Variants in PEAK1 observed in about 807,000 individuals in gnomAD.
PEAK1 encodes inactive tyrosine-protein kinase PEAK1.
A neutral mutation model predicts 124.7 loss-of-function variants in PEAK1; 54 were observed. The observed-to-expected ratio is 0.43, with a 90% CI of 0.35 to 0.54. PEAK1 has a LOEUF of 0.54. PEAK1 is among the 20% of genes least tolerant of loss of function. The pLI, the probability that PEAK1 is intolerant of heterozygous loss-of-function variation, is 0.01. For missense variants in PEAK1, 2,046 were observed against 2,134.5 expected (o/e 0.96, Z 0.82); for synonymous variants, 719 against 760.0 (o/e 0.95, Z 0.89).
intron 6 of PEAK1, among the ~76,000 whole-genome samples, chr15:77,189,682 C>T (rs565402549): frequency 6.6e-6 from 1 of 152,300 alleles, no homozygotes; most frequent in East Asian, 1.9e-4. Context: ...GCAAATTAAG[C>T]ATGATCTTTC....
rs560880870 is a variant in PEAK1 at position 77,332,343 on chromosome 15, T to TAATC, written c.-603+32816_-603+32819dup. 3.5e-3 allele frequency: 3,075 copies of TAATC among 889,994 alleles called. 7 individuals are homozygous for TAATC. Among genetic ancestry groups the TAATC allele is most frequent in the Non-Finnish European group, 3.7e-3 (2,749 of 743,270 alleles). The allele number at this position is 889,994 out of a possible 1,614,324, so 55.1% of individuals were successfully genotyped here. A position where few individuals can be genotyped will look rare whatever the true frequency, so the allele number is the denominator to read the frequency against. Reference sequence around the variant, plus strand: ...GGCCGGGTGCGGTGGCTCACACCTGTAATCCTAGCACTTTGGGAGGCTGAG... The same window carrying TAATC: ...GGCCGGGTGCGGTGGCTCACACCTGTAATCAATCCTAGCACTTTGGGAGGCTGAG... On this transcript the variant is annotated intron_variant, in intron 2 of 9. Transcript: ENST00000682557.
chr15:77,148,305 G>A (rs1002854991), intron 8 of PEAK1, among the ~76,000 whole-genome samples: 9 of 152,074 alleles, frequency 5.9e-5, no homozygotes, highest in Non-Finnish European at 1.0e-4. Flanking sequence ...TTTTTTAAAT[G>A]GAGTTTTTTA....
At chr15:77,152,074 T>C (rs1279250435) in intron 8 of PEAK1, among the ~76,000 whole-genome samples, 4 of 152,236 alleles carry the variant, frequency 2.6e-5, no homozygotes, top group African/African-American at 9.6e-5. Flanking sequence ...TAAATTACCT[T>C]GGGCAGTATG....
intron 6 of PEAK1, among the ~76,000 whole-genome samples, chr15:77,232,683 CT>C (rs2059957606): frequency 6.6e-6 from 1 of 152,200 alleles, no homozygotes; most frequent in South Asian, 2.1e-4. Context: ...AACCTTTCTA[CT>C]TGTGGCCAGG....
chr15:77,287,532 T>C (rs1037672129), intron 2 of PEAK1, among the ~76,000 whole-genome samples: 3 of 152,202 alleles, frequency 2.0e-5, no homozygotes, highest in African/African-American at 7.2e-5. Context: ...GGCAAAGACA[T>C]AGAACTTCTT....
Position 77,336,742 on chromosome 15 carries a change from A to C in PEAK1, c.-603+28421T>G, listed in dbSNP as rs114978750. On this transcript the variant is annotated intron_variant, in intron 2 of 9. Transcript: ENST00000682557. ...ATGGCACATGGAGTTGAATACACCC[A>C]AGTGCCATCAGAAAAATGTATAAAT... Among the ~76,000 whole-genome samples, 455 of 152,336 alleles carry C rather than the reference A, an allele frequency of 3.0e-3. 2 individuals carry two copies. The highest frequency in any genetic ancestry group is 0.01 in the African/African-American group (428 of 41,576).
chr15:77,129,351 A>G (rs1300222739), intron 9 of PEAK1, among the ~76,000 whole-genome samples: 2 of 152,238 alleles, frequency 1.3e-5, no homozygotes, highest in African/African-American at 4.8e-5. Context: ...CTAAAATAAC[A>G]TACAGTTAGT....
At chr15:77,283,752 TAGTC>T (rs1597101086) in intron 5 of PEAK1, 127 bp downstream of exon 5, 1 of 241,728 alleles carries the variant, frequency 4.1e-6, no homozygotes, top group Non-Finnish European at 6.7e-6. Flanking sequence ...CTCTTTGCAT[TAGTC>T]AGGATAACGT....
chr15:77,323,770 T>C (rs1457712442), intron 2 of PEAK1, among the ~76,000 whole-genome samples: 5 of 152,088 alleles, frequency 3.3e-5, no homozygotes, highest in East Asian at 3.9e-4. Flanking sequence ...CTTCACAGAA[T>C]TGGAAAAAAC....
intron 1 of PEAK1, among the ~76,000 whole-genome samples, chr15:77,398,037 C>A (rs2141986443): frequency 6.6e-6 from 1 of 152,092 alleles, no homozygotes; most frequent in African/African-American, 2.4e-5. Flanking sequence ...TGCACTCCAG[C>A]CTGGGCAACA....
At chr15:77,340,469 G>A (rs1196407426) in intron 2 of PEAK1, among the ~76,000 whole-genome samples, 5 of 152,180 alleles carry the variant, frequency 3.3e-5, no homozygotes, top group South Asian at 2.1e-4. Flanking sequence ...GGCGAGGAAG[G>A]AGGAATGAAT....
intron 6 of PEAK1, among the ~76,000 whole-genome samples, chr15:77,199,356 C>T (rs899117988): frequency 6.6e-6 from 1 of 152,178 alleles, no homozygotes; most frequent in Non-Finnish European, 1.5e-5. Context: ...TGCCATCAAA[C>T]ACAATGTCTC....
At position 77,225,666 on chromosome 15, in the gene PEAK1, T is replaced by TTTTA. The variant is rs1555448932; in HGVS notation, c.-115+26700_-115+26701insTAAA. On this transcript the variant is annotated intron_variant, in intron 6 of 9. Transcript: ENST00000682557. ...GTGTGTGTGTGTGTGTGTGTATAAT[T>TTTTA]TATATATATATATATATATATATAT... is the stretch of plus-strand genomic sequence containing the variant. Among the ~76,000 whole-genome samples, 102 of 87,986 alleles carry TTTTA rather than the reference T, an allele frequency of 1.2e-3. 1 individual carries two copies. The highest frequency in any genetic ancestry group is 3.7e-3 in the African/African-American group (95 of 25,448). The allele number at this position is 87,986 out of a possible 152,430, so 57.7% of individuals were successfully genotyped here.
At chr15:77,346,386 A>G in intron 2 of PEAK1, 1 of 984,776 alleles carries the variant, frequency 1.0e-6, no homozygotes, top group African/African-American at 1.7e-5. Flanking sequence ...AGACAGAAAA[A>G]TGTTTATGAG....
intron 1 of PEAK1, among the ~76,000 whole-genome samples, chr15:77,382,435 C>T (rs1284852914): frequency 5.9e-5 from 9 of 152,202 alleles, no homozygotes; most frequent in Admixed American, 3.3e-4. Context: ...GATACTCTTT[C>T]GCCTTGTCTG....
chr15:77,194,780 G>A (rs529296701), intron 6 of PEAK1, among the ~76,000 whole-genome samples: 2 of 152,242 alleles, frequency 1.3e-5, no homozygotes, highest in South Asian at 4.1e-4. Flanking sequence ...AGACAGAAGT[G>A]GCAAGTGACA....
At chr15:77,150,410 T>A (rs1412706259) in intron 8 of PEAK1, among the ~76,000 whole-genome samples, 1 of 152,194 alleles carries the variant, frequency 6.6e-6, no homozygotes, top group Admixed American at 6.5e-5. Context: ...TTAAATGAGC[T>A]AATATATGTT....
intron 2 of PEAK1, among the ~76,000 whole-genome samples, chr15:77,289,927 TA>T (rs1179569300): frequency 2.0e-5 from 3 of 152,098 alleles, no homozygotes; most frequent in African/African-American, 7.2e-5. Context: ...GAGTGAATAC[TA>T]AGGTCATCTA....
intron 1 of PEAK1, chr15:77,417,849 T>A: frequency 1.0e-6 from 1 of 985,480 alleles, no homozygotes; most frequent in Non-Finnish European, 1.2e-6. Flanking sequence ...TTATAGCTGA[T>A]GCTTATTTGG....
Sources: gnomAD v4.1 joint callset for allele counts (sites outside exome capture counted in the v4.1 genomes callset) on GRCh38, gnomAD v4.1.1 for gene constraint, MANE v1.5 for transcripts, NCBI Gene and HGNC (gene_info 2026-07-23, HGNC 2026-07-21) for gene names.